The following RUNX2 variants were observed in gnomAD, a reference collection of about 807,000 sequenced individuals.
The protein encoded by RUNX2 is RUNX family transcription factor 2.
In RUNX2, 10 loss-of-function variants were observed where a neutral mutation model predicts 51.7. That is an observed-to-expected ratio of 0.19 (90% confidence interval 0.12 to 0.33). The LOEUF is 0.33. Ranked by LOEUF, RUNX2 falls within the 10% of genes least tolerant of loss-of-function variation. The pLI is 1.00. For synonymous variants in RUNX2, 276 were observed against 273.6 expected (o/e 1.01, Z -0.09); for missense variants, 562 against 691.3 (o/e 0.81, Z 2.10).
At chr6:45,516,858 A>G (rs942020924) in intron 7 of RUNX2, among the ~76,000 whole-genome samples, 5 of 152,250 alleles carry the variant, frequency 3.3e-5, no homozygotes, top group Admixed American at 3.3e-4. Context: ...TGTATTTTAT[A>G]CAATTATCCT....
rs1271189825 is a variant in RUNX2, at chr6:45,372,746, C to A, written c.58+43962C>A. Among the ~76,000 whole-genome samples the A allele has an allele frequency of 2.6e-5, 4 of 152,086 alleles. No individual in the cohort carries two copies. In the South Asian group the frequency reaches 6.2e-4, roughly 24 times the overall value. ...CAATCTCAGCTCAGTGCAATCTCCA[C>A]CTCCTGGGCTCAAGCAATCCTCCCA... On this transcript the variant is annotated intron_variant, in intron 2 of 8. Coordinates refer to ENST00000647337, the MANE Select transcript of RUNX2 (RefSeq NM_001024630.4).
intron 2 of RUNX2, among the ~76,000 whole-genome samples, chr6:45,354,768 G>A (rs1454228693): frequency 6.6e-6 from 1 of 152,112 alleles, no homozygotes; most frequent in Admixed American, 6.6e-5. Context: ...GGGAGGCTGA[G>A]GCAGGAGGAT....
rs550242577 is a variant in RUNX2 at position 45,431,856 on chromosome 6, T to C, written c.424-7T>C. On this transcript the variant is annotated splice_region_variant and splice_polypyrimidine_tract_variant and intron_variant, in intron 3 of 8. Transcript: ENST00000647337. The stretch of plus-strand genomic sequence containing the variant: ...ATTATTGCTGCTGTGTTTCCTGTTT[T>C]ATGTAGGTGGTAGCCCTCGGAGAGG... 16 of 1,614,030 alleles carry C rather than the reference T, an allele frequency of 9.9e-6. No homozygotes were observed. In the South Asian group the frequency reaches 1.6e-4, roughly 17 times the overall value.
intron 2 of RUNX2, among the ~76,000 whole-genome samples, chr6:45,412,813 C>T (rs1029418615): frequency 6.6e-6 from 1 of 152,170 alleles, no homozygotes; most frequent in African/African-American, 2.4e-5. Context: ...GGCACAATCT[C>T]GGCTTACTGC....
At chr6:45,351,256 T>C (rs940894906) in intron 2 of RUNX2, among the ~76,000 whole-genome samples, 2 of 152,028 alleles carry the variant, frequency 1.3e-5, no homozygotes, top group African/African-American at 4.8e-5. Context: ...CACTCATCAC[T>C]TCAGCCACTC....
intron 7 of RUNX2, among the ~76,000 whole-genome samples, chr6:45,538,941 G>A (rs981174934): frequency 8.6e-5 from 13 of 151,996 alleles, no homozygotes; most frequent in Admixed American, 2.6e-4. Context: ...CAGTGGATCT[G>A]GTTTCAAAGA....
intron 2 of RUNX2, among the ~76,000 whole-genome samples, chr6:45,344,930 T>C (rs922985073): frequency 6.6e-6 from 1 of 152,174 alleles, no homozygotes; most frequent in Non-Finnish European, 1.5e-5. Context: ...AGTTTAGTAG[T>C]TGCCATGGAC....
At chr6:45,421,871 CAG>C (rs2150361481) in intron 2 of RUNX2, 1 of 152,242 alleles carries the variant, frequency 6.6e-6, no homozygotes, top group African/African-American at 2.4e-5. Context: ...GCGCGAGAGA[CAG>C]GGGAGCTTTG....
chr6:45,457,836 T>C (rs1037496127), intron 5 of RUNX2, among the ~76,000 whole-genome samples: 21 of 152,124 alleles, frequency 1.4e-4, no homozygotes, highest in African/African-American at 4.1e-4. Flanking sequence ...TGGAAAAACA[T>C]AGAGGCCCAG....
At chr6:45,332,707 TA>T (rs1787756822) in intron 2 of RUNX2, among the ~76,000 whole-genome samples, 1 of 151,716 alleles carries the variant, frequency 6.6e-6, no homozygotes, top group South Asian at 2.1e-4. Flanking sequence ...CTATTAAAAA[TA>T]TATAAAAACA....
At chr6:45,353,048 C>T (rs1271327929) in intron 2 of RUNX2, among the ~76,000 whole-genome samples, 2 of 152,018 alleles carry the variant, frequency 1.3e-5, no homozygotes, top group Non-Finnish European at 1.5e-5. Flanking sequence ...TCTTCAGAGT[C>T]TCTAATAGTA....
intron 5 of RUNX2, among the ~76,000 whole-genome samples, chr6:45,443,459 A>C (rs905093204): frequency 6.6e-6 from 1 of 152,172 alleles, no homozygotes. Context: ...AGGGAAAAAA[A>C]CCACCAATGG....
chr6:45,364,372 G>T (rs909681260), intron 2 of RUNX2, among the ~76,000 whole-genome samples: 40 of 152,018 alleles, frequency 2.6e-4, no homozygotes, highest in African/African-American at 9.2e-4. Context: ...AACTATGAAG[G>T]CTATCAATTT....
At chr6:45,525,635 A>T in intron 7 of RUNX2, among the ~76,000 whole-genome samples, 1 of 152,152 alleles carries the variant, frequency 6.6e-6, no homozygotes, top group East Asian at 1.9e-4. Context: ...GATGTCTGTG[A>T]TTCTAAATTA....
At chr6:45,381,155 A>G (rs530246409) in intron 2 of RUNX2, among the ~76,000 whole-genome samples, 3 of 152,202 alleles carry the variant, frequency 2.0e-5, no homozygotes, top group Non-Finnish European at 4.4e-5. Flanking sequence ...TTCCAATTGC[A>G]TTCTCAAAAG....
chr6:45,513,050 G>C (rs1284050395), intron 7 of RUNX2, among the ~76,000 whole-genome samples: 1 of 152,140 alleles, frequency 6.6e-6, no homozygotes, highest in Non-Finnish European at 1.5e-5. Flanking sequence ...CTGTTCCAAA[G>C]GCACCACAGA....
intron 5 of RUNX2, among the ~76,000 whole-genome samples, chr6:45,454,430 A>G (rs1197261631): frequency 3.3e-5 from 5 of 152,240 alleles, no homozygotes; most frequent in Non-Finnish European, 7.3e-5. Context: ...AGGAAATCTG[A>G]TGATCTAGAT....
At chr6:45,398,002 C>G (rs1797618962) in intron 2 of RUNX2, among the ~76,000 whole-genome samples, 1 of 152,172 alleles carries the variant, frequency 6.6e-6, no homozygotes, top group South Asian at 2.1e-4. Flanking sequence ...ATGATTTACA[C>G]TCAGTTTTGG....
chr6:45,393,000 A>T (rs1462078384), intron 2 of RUNX2, among the ~76,000 whole-genome samples: 1 of 152,054 alleles, frequency 6.6e-6, no homozygotes, highest in Non-Finnish European at 1.5e-5. Context: ...CATCAAAAGC[A>T]TTCTTTATTT....
Sources: allele counts gnomAD v4.1 joint callset (sites outside exome capture counted in the v4.1 genomes callset), GRCh38; gene constraint gnomAD v4.1.1; transcripts MANE v1.5; gene names NCBI Gene and HGNC (gene_info 2026-07-23, HGNC 2026-07-21).